ITGA1: variants seen among roughly 807,000 people sequenced by gnomAD.
ITGA1 encodes integrin subunit alpha 1.
Under a neutral mutation model 145.9 loss-of-function variants are expected in ITGA1, and 85 were observed. The observed-to-expected ratio is 0.58, with a 90% CI of 0.49 to 0.70. The LOEUF is 0.70. Among genes scored for constraint, ITGA1 ranks in the 30% least tolerant of loss-of-function variants. The pLI, the probability that ITGA1 is intolerant of heterozygous loss-of-function variation, is 0.00. For synonymous variants in ITGA1, 520 were observed against 495.3 expected (o/e 1.05, Z -0.66); for missense variants, 1,351 against 1,418.7 (o/e 0.95, Z 0.77).
chr5:52,865,487 C>T (rs986968344), intron 5 of ITGA1, among the ~76,000 whole-genome samples: 10 of 152,096 alleles, frequency 6.6e-5, no homozygotes, highest in African/African-American at 2.4e-4. Flanking sequence ...GAATTTTATC[C>T]CACACCAATT....
chr5:52,817,320 G>A (rs904527553), intron 1 of ITGA1, among the ~76,000 whole-genome samples: 1 of 152,106 alleles, frequency 6.6e-6, no homozygotes, highest in Non-Finnish European at 1.5e-5. Context: ...GTGACCTTGA[G>A]CATTACTAGC....
intron 12 of ITGA1, 110 bp downstream of exon 12, chr5:52,906,018 A>G: frequency 1.1e-6 from 1 of 904,458 alleles, no homozygotes. Flanking sequence ...TTCAGTAACA[A>G]CTGGGAACAG....
chr5:52,924,732 G>A (rs1258750663), intron 18 of ITGA1, among the ~76,000 whole-genome samples: 2 of 152,092 alleles, frequency 1.3e-5, no homozygotes, highest in Non-Finnish European at 2.9e-5. Flanking sequence ...GTGGTGGTGG[G>A]ACTGCAGAAG....
intron 1 of ITGA1, among the ~76,000 whole-genome samples, chr5:52,834,113 G>A (rs534106997): frequency 7.2e-5 from 11 of 152,216 alleles, no homozygotes; most frequent in Admixed American, 3.9e-4. Flanking sequence ...TGGTGTGGTG[G>A]CTCTATTGTC....
At chr5:52,884,379 G>T (rs1009174457) in intron 7 of ITGA1, among the ~76,000 whole-genome samples, 1 of 151,840 alleles carries the variant, frequency 6.6e-6, no homozygotes, top group African/African-American at 2.4e-5. Context: ...CCCAGGAGGC[G>T]GAGGTTGCAG....
chr5:52,800,616 C>G (rs1191457375), intron 1 of ITGA1: 2 of 1,613,696 alleles, frequency 1.2e-6, no homozygotes, highest in African/African-American at 2.7e-5. Context: ...CCATCGACTT[C>G]GACTCTCAAG....
chr5:52,801,378 T>A, intron 1 of ITGA1: 1 of 1,565,470 alleles, frequency 6.4e-7, no homozygotes, highest in Non-Finnish European at 8.7e-7. Flanking sequence ...TAGGAGATTA[T>A]TTTGCCTAAC....
chr5:52,919,200 A>T (rs898062674), intron 16 of ITGA1, among the ~76,000 whole-genome samples: 3 of 152,206 alleles, frequency 2.0e-5, no homozygotes, highest in African/African-American at 7.2e-5. Context: ...ATACCGATTC[A>T]GAGGTAGAGT....
chr5:52,922,294 C>T (rs1750742587), intron 17 of ITGA1, among the ~76,000 whole-genome samples: 1 of 107,884 alleles, frequency 9.3e-6, no homozygotes, highest in Non-Finnish European at 1.9e-5. Context: ...GAGAGAGACT[C>T]TGTCTCAAAC....
At position 52,957,340 on chromosome 5, in the gene ITGA1, C is replaced by T. The variant is rs577709181; in HGVS notation, c.*4889C>T. The T allele has an allele frequency of 6.6e-6, 1 of 152,258 alleles. No individual in the cohort carries two copies. Among genetic ancestry groups the T allele is most frequent in the African/African-American group, 2.4e-5 (1 of 41,528 alleles). The allele number at this position is 152,258 out of a possible 1,614,324, so 9.4% of individuals were successfully genotyped here. A position where few individuals can be genotyped will look rare whatever the true frequency, so the allele number is the denominator to read the frequency against. On this transcript the variant is annotated 3_prime_UTR_variant, in exon 29 of 29. Coordinates refer to ENST00000282588, the MANE Select transcript of ITGA1 (RefSeq NM_181501.2). ...CTTATGCCCCAAGATCTGCACCTTA[C>T]ATCAGGCACCCGGGAATGCTTCTCA...
chr5:52,925,571 A>G, intron 19 of ITGA1, 84 bp downstream of exon 19: 2 of 992,814 alleles, frequency 2.0e-6, no homozygotes, highest in African/African-American at 1.6e-5. Context: ...AATTGCTTTT[A>G]TTAGATTGAT....
At chr5:52,928,822 T>C (rs1383475823) in intron 20 of ITGA1, among the ~76,000 whole-genome samples, 1 of 152,168 alleles carries the variant, frequency 6.6e-6, no homozygotes, top group Non-Finnish European at 1.5e-5. Flanking sequence ...GATTGGTCAT[T>C]TCAAAGTTAT....
intron 7 of ITGA1, among the ~76,000 whole-genome samples, chr5:52,885,617 G>C (rs2111810679): frequency 6.6e-6 from 1 of 152,280 alleles, no homozygotes; most frequent in African/African-American, 2.4e-5. Flanking sequence ...GTTTATTTGA[G>C]CAAAGAATGA....
intron 6 of ITGA1, among the ~76,000 whole-genome samples, chr5:52,874,405 G>T (rs77070595): frequency 1.3e-5 from 2 of 148,268 alleles, no homozygotes; most frequent in Non-Finnish European, 3.0e-5. Context: ...TTGGTGTCTC[G>T]GTGGGGACAA....
chr5:52,865,371 T>G (rs1749670603), intron 5 of ITGA1, among the ~76,000 whole-genome samples: 1 of 152,200 alleles, frequency 6.6e-6, no homozygotes, highest in Admixed American at 6.5e-5. Context: ...GTAACTTCAT[T>G]TGAGATATGC....
At chr5:52,802,044 T>C (rs935725471) in intron 1 of ITGA1, 9 of 496,982 alleles carry the variant, frequency 1.8e-5, no homozygotes, top group African/African-American at 9.6e-5. Flanking sequence ...CTCCACGTAC[T>C]ACCATCTTGA....
intron 1 of ITGA1, among the ~76,000 whole-genome samples, chr5:52,811,993 AGCTCCTCAGGT>A: frequency 6.6e-6 from 1 of 152,300 alleles, no homozygotes; most frequent in East Asian, 1.9e-4. Context: ...ACATTTTAAA[AGCTCCTCAGGT>A]GCTTCTTATC....
chr5:52,860,947 T>A (rs73754057), intron 2 of ITGA1, among the ~76,000 whole-genome samples: 42,436 of 152,056 alleles, frequency 0.28, 6,214 homozygotes, highest in South Asian at 0.4. Flanking sequence ...TCTTATGATG[T>A]TCCAATGTTT....
intron 2 of ITGA1, among the ~76,000 whole-genome samples, chr5:52,860,766 T>G (rs917259473): frequency 1.3e-5 from 2 of 152,218 alleles, no homozygotes; most frequent in African/African-American, 4.8e-5. Context: ...ATGGGAGACT[T>G]AAATGACTTG....
Sources: allele counts gnomAD v4.1 joint callset (sites outside exome capture counted in the v4.1 genomes callset), GRCh38; gene constraint gnomAD v4.1.1; transcripts MANE v1.5; gene names NCBI Gene and HGNC (gene_info 2026-07-23, HGNC 2026-07-21).